The following PDE1C variants were observed in gnomAD, a reference collection of about 807,000 sequenced individuals.
The protein encoded by PDE1C is phosphodiesterase 1C, also known as dual specificity calcium/calmodulin-dependent 3',5'-cyclic nucleotide phosphodiesterase 1C.
PDE1C carries 62 observed loss-of-function variants against 93.1 expected under a neutral mutation model. The observed-to-expected ratio is 0.67, with a 90% CI of 0.54 to 0.82. PDE1C has a LOEUF of 0.82. PDE1C is among the 40% of genes least tolerant of loss of function. The pLI, the probability that PDE1C is intolerant of heterozygous loss-of-function variation, is 0.00. For missense variants in PDE1C, 742 were observed against 884.6 expected, an observed-to-expected ratio of 0.84 and a Z score of 2.04; for synonymous variants, 325 against 310.1, an observed-to-expected ratio of 1.05 and a Z score of -0.50.
intron 13 of PDE1C, 80 bp from the exon 14 acceptor site, chr7:31,823,328 A>C: frequency 8.5e-7 from 1 of 1,172,848 alleles, no homozygotes; most frequent in Admixed American, 2.2e-5. Flanking sequence ...CAGAGGAGGA[A>C]TGGTTAGCAC....
At chr7:31,688,946 A>G in the PDE1C span, among the ~76,000 whole-genome samples, 1 of 152,362 alleles carries the variant, frequency 6.6e-6, no homozygotes, top group African/African-American at 2.4e-5. Context: ...ACACAAACTC[A>G]TTTGGTAGCA....
intron 2 of PDE1C, among the ~76,000 whole-genome samples, chr7:32,034,364 T>C (rs1468393278): frequency 6.6e-6 from 1 of 151,934 alleles, no homozygotes; most frequent in Non-Finnish European, 1.5e-5. Flanking sequence ...CCACATCCCA[T>C]AAATCTCACA....
chr7:32,323,859 T>C (rs531067129), intron 1 of PDE1C, among the ~76,000 whole-genome samples: 69 of 152,328 alleles, frequency 4.5e-4, no homozygotes, highest in Non-Finnish European at 9.1e-4. Context: ...GCTCCTCCTC[T>C]GGAAGCTCCA....
chr7:32,186,087 G>GGT (rs1803833765), intron 2 of PDE1C, among the ~76,000 whole-genome samples: 7 of 128,570 alleles, frequency 5.4e-5, no homozygotes, highest in African/African-American at 1.8e-4. Context: ...TTGTTTTTTT[G>GGT]TTTTTTTTTT....
intron 1 of PDE1C, among the ~76,000 whole-genome samples, chr7:32,270,486 T>C (rs889778709): frequency 6.6e-6 from 1 of 152,108 alleles, no homozygotes; most frequent in African/African-American, 2.4e-5. Context: ...ATGTGACCAC[T>C]CCACCCATCA....
At chr7:32,120,936 C>T (rs1304271206) in intron 3 of PDE1C, among the ~76,000 whole-genome samples, 1 of 152,094 alleles carries the variant, frequency 6.6e-6, no homozygotes, top group Non-Finnish European at 1.5e-5. Flanking sequence ...CTCCACTGAG[C>T]TAAAGGAGCG....
intron 1 of PDE1C, among the ~76,000 whole-genome samples, chr7:32,425,942 C>CA (rs879429884): frequency 4.5e-4 from 65 of 143,894 alleles, no homozygotes; most frequent in African/African-American, 1.2e-3. Flanking sequence ...GACCCTGTCT[C>CA]AAAAAAAAAG....
At chr7:31,747,857 C>CAAAAAA (rs3078522), downstream of PDE1C, among the ~76,000 whole-genome samples, 1 of 134,172 alleles carries the variant, frequency 7.5e-6, no homozygotes, top group Non-Finnish European at 1.5e-5. Flanking sequence ...CAAAACATCT[C>CAAAAAA]AAAAAAAAAA....
chr7:31,675,758 T>G, the PDE1C span, among the ~76,000 whole-genome samples: 2 of 151,914 alleles, frequency 1.3e-5, no homozygotes, highest in Admixed American at 1.3e-4. Flanking sequence ...GCTAAATTTA[T>G]AAAGAAAAGC....
In PDE1C at chr7:31,994,062, C is replaced by T. The variant is rs540443158; in HGVS notation, c.128+57492G>A. Among the ~76,000 whole-genome samples, 30 of 152,140 alleles carry T rather than the reference C, an allele frequency of 2.0e-4. No individual in the cohort carries two copies. In the South Asian group the frequency reaches 6.0e-3, roughly 31 times the overall value. On this transcript the variant is annotated intron_variant, in intron 2 of 17. Transcript: ENST00000396191. ...AGTGTTGGAGTCTAATATATAAGTC[C>T]CATTTTCCTGTATTTCCTGAGAGTC...
chr7:31,839,464 C>T (rs1445050267), intron 9 of PDE1C, among the ~76,000 whole-genome samples: 1 of 144,230 alleles, frequency 6.9e-6, no homozygotes, highest in African/African-American at 2.7e-5. Context: ...TCTTTCTTTA[C>T]TCAGCATAAT....
chr7:32,219,236 G>A (rs537940861), intron 1 of PDE1C, among the ~76,000 whole-genome samples: 3 of 152,202 alleles, frequency 2.0e-5, no homozygotes, highest in Admixed American at 6.5e-5. Context: ...GACGAGGACA[G>A]GTGAGATTAG....
At chr7:32,371,328 C>G (rs1784329397) in intron 1 of PDE1C, among the ~76,000 whole-genome samples, 1 of 152,224 alleles carries the variant, frequency 6.6e-6, no homozygotes, top group African/African-American at 2.4e-5. Flanking sequence ...TACATGCCCA[C>G]TAAGCAACCA....
At chr7:31,698,650 G>A in the PDE1C span, among the ~76,000 whole-genome samples, 1 of 152,142 alleles carries the variant, frequency 6.6e-6, no homozygotes, top group Non-Finnish European at 1.5e-5. Context: ...GTCACATCCT[G>A]GGCTCTGTTC....
At chr7:31,915,430 C>T (rs1801759747) in intron 2 of PDE1C, among the ~76,000 whole-genome samples, 2 of 152,174 alleles carry the variant, frequency 1.3e-5, no homozygotes, top group African/African-American at 4.8e-5. Flanking sequence ...TGGCAGCCTG[C>T]CACCAAATAA....
chr7:32,269,254 G>GC (rs140879410), intron 1 of PDE1C, among the ~76,000 whole-genome samples: 17,795 of 151,520 alleles, frequency 0.12, 1,186 homozygotes, highest in African/African-American at 0.16. Flanking sequence ...TTCTGAGCCA[G>GC]GGGGGGTGAG....
intron 2 of PDE1C, among the ~76,000 whole-genome samples, chr7:32,034,724 G>A (rs964149036): frequency 1.3e-5 from 2 of 152,070 alleles, no homozygotes; most frequent in South Asian, 2.1e-4. Flanking sequence ...TAAATACAGA[G>A]GCAAGGTAGC....
At chr7:31,991,462 G>C (rs1453372769) in intron 2 of PDE1C, among the ~76,000 whole-genome samples, 1 of 152,200 alleles carries the variant, frequency 6.6e-6, no homozygotes, top group Non-Finnish European at 1.5e-5. Flanking sequence ...CCAGTTACTA[G>C]CTCTGCAGTC....
intron 16 of PDE1C, among the ~76,000 whole-genome samples, chr7:31,806,441 A>T (rs753914746): frequency 6.6e-6 from 1 of 151,956 alleles, no homozygotes; most frequent in African/African-American, 2.4e-5. Context: ...AGAGACCTGG[A>T]TCTTTTTATG....
Sources: allele counts gnomAD v4.1 joint callset (sites outside exome capture counted in the v4.1 genomes callset), GRCh38; gene constraint gnomAD v4.1.1; transcripts MANE v1.5; gene names NCBI Gene and HGNC (gene_info 2026-07-23, HGNC 2026-07-21).